Variants in ANGPT1 observed in about 807,000 individuals in gnomAD.
ANGPT1 encodes the protein angiopoietin 1.
A neutral mutation model predicts 62.2 loss-of-function variants in ANGPT1; 17 were observed. The ratio of observed to expected loss-of-function variants is 0.27; its 90% CI spans 0.19 to 0.41. ANGPT1 has a LOEUF of 0.41. Ranked by LOEUF, ANGPT1 falls within the 10% of genes least tolerant of loss-of-function variation. The pLI is 1.00. For missense variants in ANGPT1, 478 were observed against 594.9 expected (o/e 0.80, Z 2.04); for synonymous variants, 199 against 198.9 (o/e 1.00, Z 0.00).
At chr8:107,292,998 T>C (rs1814315394) in intron 6 of ANGPT1, among the ~76,000 whole-genome samples, 1 of 152,224 alleles carries the variant, frequency 6.6e-6, no homozygotes, top group Non-Finnish European at 1.5e-5. Context: ...ACTATGCCTT[T>C]ACATTCTGTC....
At chr8:107,337,307 G>A (rs1586236433) in intron 2 of ANGPT1, among the ~76,000 whole-genome samples, 1 of 152,180 alleles carries the variant, frequency 6.6e-6, no homozygotes, top group East Asian at 1.9e-4. Context: ...GAGACAGATT[G>A]TTCTCATCCT....
At chr8:107,485,837 C>G (rs1370738315) in intron 1 of ANGPT1, among the ~76,000 whole-genome samples, 2 of 152,212 alleles carry the variant, frequency 1.3e-5, no homozygotes, top group East Asian at 1.9e-4. Flanking sequence ...TAGGCGGCTT[C>G]GCCCCATGTA....
rs541357554 is a variant in ANGPT1 at position 107,336,463 on chromosome 8, A to C, written c.454-192T>G. On this transcript the variant is annotated intron_variant, in intron 2 of 8. Transcript: ENST00000517746. ...GGTGGATCACGAGGTCAAGAGATCG[A>C]GACCATCCTGGCAAACATGGTGAAA... 1.1e-5 allele frequency: 9 copies of C among 789,772 alleles called. No homozygotes were observed. The African/African-American group carries it at 1.5e-4, about 13-fold the overall frequency. 48.9% of individuals were successfully genotyped at this position (789,772 alleles called of 1,614,324 possible).
chr8:107,289,828 T>C (rs1814232143), intron 6 of ANGPT1, among the ~76,000 whole-genome samples: 1 of 152,074 alleles, frequency 6.6e-6, no homozygotes, highest in African/African-American at 2.4e-5. Context: ...CCTACAACAG[T>C]ATAAAATTAG....
intron 5 of ANGPT1, chr8:107,295,234 C>T (rs1814384096): frequency 6.6e-6 from 1 of 152,132 alleles, no homozygotes. Context: ...ACTTTGACAA[C>T]AGCCACACAT....
chr8:107,463,267 T>C (rs943158635), intron 1 of ANGPT1, among the ~76,000 whole-genome samples: 8 of 152,030 alleles, frequency 5.3e-5, no homozygotes, highest in Non-Finnish European at 7.4e-5. Context: ...GAAGCAATCA[T>C]TTCCCCACTC....
intron 1 of ANGPT1, among the ~76,000 whole-genome samples, chr8:107,374,274 T>C (rs1336597554): frequency 6.6e-6 from 1 of 152,218 alleles, no homozygotes; most frequent in East Asian, 1.9e-4. Context: ...TATAATGCTA[T>C]AGACTAGTTT....
At chr8:107,450,449 A>G (rs1015441293) in intron 1 of ANGPT1, among the ~76,000 whole-genome samples, 7 of 151,912 alleles carry the variant, frequency 4.6e-5, no homozygotes, top group Non-Finnish European at 1.0e-4. Flanking sequence ...TAAAAGCTCT[A>G]TGGGCGGAAA....
At chr8:107,489,860 G>A (rs561285004) in intron 1 of ANGPT1, among the ~76,000 whole-genome samples, 1 of 151,862 alleles carries the variant, frequency 6.6e-6, no homozygotes, top group Admixed American at 6.6e-5. Context: ...TCTTGTATTG[G>A]GACAAAAGTC....
chr8:107,407,492 G>A (rs567472273), intron 1 of ANGPT1, among the ~76,000 whole-genome samples: 80 of 152,264 alleles, frequency 5.3e-4, no homozygotes, highest in Non-Finnish European at 1.0e-3. Context: ...GGATGGAAAT[G>A]TTGTGCTTTA....
At chr8:107,379,947 C>T (rs980260370) in intron 1 of ANGPT1, among the ~76,000 whole-genome samples, 1 of 152,024 alleles carries the variant, frequency 6.6e-6, no homozygotes, top group Admixed American at 6.6e-5. Context: ...CTTGAGATAT[C>T]CCAAAGGGAT....
chr8:107,317,883 G>T (rs372321625), intron 4 of ANGPT1, among the ~76,000 whole-genome samples: 1 of 152,040 alleles, frequency 6.6e-6, no homozygotes, highest in East Asian at 1.9e-4. Context: ...CACCCACTTT[G>T]GCCTCCCAAA....
At chr8:107,364,332 G>A (rs1816228885) in intron 1 of ANGPT1, among the ~76,000 whole-genome samples, 1 of 152,164 alleles carries the variant, frequency 6.6e-6, no homozygotes, top group East Asian at 1.9e-4. Flanking sequence ...CCAGGCTGAA[G>A]TGCAGTGGTG....
chr8:107,460,261 T>C (rs79643636), intron 1 of ANGPT1, among the ~76,000 whole-genome samples: 10,329 of 152,176 alleles, frequency 0.068, 402 homozygotes, highest in South Asian at 0.14. Context: ...CCCAATCCTT[T>C]TGGGGGAGAG....
intron 1 of ANGPT1, among the ~76,000 whole-genome samples, chr8:107,364,435 G>A (rs913089068): frequency 2.0e-5 from 3 of 151,956 alleles, no homozygotes; most frequent in East Asian, 1.9e-4. Flanking sequence ...TGTGCGCCAC[G>A]ATGCCCAGCT....
At chr8:107,296,093 GGAA>G (rs1814408286) in intron 5 of ANGPT1, among the ~76,000 whole-genome samples, 1 of 151,996 alleles carries the variant, frequency 6.6e-6, no homozygotes, top group Admixed American at 6.6e-5. Context: ...AAAATTATTG[GGAA>G]TAATCTGCTT....
At chr8:107,455,303 T>C (rs1811890897) in intron 1 of ANGPT1, among the ~76,000 whole-genome samples, 1 of 152,098 alleles carries the variant, frequency 6.6e-6, no homozygotes, top group Non-Finnish European at 1.5e-5. Flanking sequence ...TGGTTTAAAA[T>C]CTAAAATTAG....
chr8:107,449,874 C>T (rs1731433028), intron 1 of ANGPT1, among the ~76,000 whole-genome samples: 1 of 152,048 alleles, frequency 6.6e-6, no homozygotes, highest in Non-Finnish European at 1.5e-5. Flanking sequence ...TTATATTAAA[C>T]TTACTATCAA....
At chr8:107,256,398 A>T (rs1813357115) in intron 8 of ANGPT1, among the ~76,000 whole-genome samples, 1 of 152,200 alleles carries the variant, frequency 6.6e-6, no homozygotes, top group Non-Finnish European at 1.5e-5. Flanking sequence ...AAGCATGGCC[A>T]AGTCTTTTAA....
Sources: allele counts gnomAD v4.1 joint callset (sites outside exome capture counted in the v4.1 genomes callset), GRCh38; gene constraint gnomAD v4.1.1; transcripts MANE v1.5; gene names NCBI Gene and HGNC (gene_info 2026-07-23, HGNC 2026-07-21).